STX8: variants seen among roughly 807,000 people sequenced by gnomAD.
STX8 encodes syntaxin 8.
Under a neutral mutation model 37.5 loss-of-function variants are expected in STX8, and 23 were observed. The observed-to-expected ratio is 0.61, with a 90% CI of 0.44 to 0.87. STX8 has a LOEUF of 0.87. STX8 is among the 40% of genes least tolerant of loss of function. The pLI, the probability that STX8 is intolerant of heterozygous loss-of-function variation, is 0.00. For missense variants in STX8, 313 were observed against 284.7 expected, an observed-to-expected ratio of 1.10 and a Z score of -0.71; for synonymous variants, 115 against 99.1, an observed-to-expected ratio of 1.16 and a Z score of -0.95.
intron 7 of STX8, among the ~76,000 whole-genome samples, chr17:9,370,302 T>G (rs988864441): frequency 2.0e-5 from 3 of 152,210 alleles, no homozygotes; most frequent in African/African-American, 7.2e-5. Flanking sequence ...GCCACCTAAC[T>G]GTTCTCACTT....
At chr17:9,260,780 ACT>A (rs1206350581) in intron 7 of STX8, among the ~76,000 whole-genome samples, 4 of 152,226 alleles carry the variant, frequency 2.6e-5, no homozygotes, top group Non-Finnish European at 5.9e-5. Context: ...CACCCTGGAA[ACT>A]CAGCCCTCTC....
At chr17:9,275,697 G>A (rs1199275443) in intron 7 of STX8, among the ~76,000 whole-genome samples, 6 of 151,792 alleles carry the variant, frequency 4.0e-5, no homozygotes, top group East Asian at 1.9e-4. Flanking sequence ...GAGAAACCCC[G>A]TCTCTAGTAA....
At chr17:9,275,849 C>T (rs1022197157) in intron 7 of STX8, among the ~76,000 whole-genome samples, 4 of 149,822 alleles carry the variant, frequency 2.7e-5, no homozygotes, top group Admixed American at 2.7e-4. Context: ...GCCTGGTCAA[C>T]AGAGTGAGAC....
At chr17:9,489,797 T>G (rs1906772556) in intron 6 of STX8, among the ~76,000 whole-genome samples, 1 of 149,328 alleles carries the variant, frequency 6.7e-6, no homozygotes, top group Non-Finnish European at 1.5e-5. Flanking sequence ...GAAGCGATTC[T>G]CCTGCCTCAG....
intron 7 of STX8, among the ~76,000 whole-genome samples, chr17:9,360,876 G>C (rs1011468575): frequency 6.6e-6 from 1 of 152,126 alleles, no homozygotes; most frequent in Admixed American, 6.6e-5. Context: ...TCAGCAGTCA[G>C]CTCCAGAGCT....
intron 4 of STX8, among the ~76,000 whole-genome samples, chr17:9,538,568 G>A (rs972492517): frequency 2.0e-5 from 3 of 152,312 alleles, no homozygotes; most frequent in South Asian, 2.1e-4. Context: ...TGTTTTGTCA[G>A]TAGTGCAAGA....
chr17:9,562,996 G>A (rs534098776), intron 2 of STX8, among the ~76,000 whole-genome samples: 1 of 152,166 alleles, frequency 6.6e-6, no homozygotes, highest in South Asian at 2.1e-4. Flanking sequence ...CCTTTCCTTA[G>A]GAGACAGGTT....
chr17:9,339,058 G>T (rs923691750), intron 7 of STX8, among the ~76,000 whole-genome samples: 1 of 133,450 alleles, frequency 7.5e-6, no homozygotes, highest in Non-Finnish European at 1.5e-5. Flanking sequence ...TTGACAAAGC[G>T]AGACTCCGTC....
intron 6 of STX8, among the ~76,000 whole-genome samples, chr17:9,418,765 T>C (rs1272898494): frequency 7.5e-6 from 1 of 133,976 alleles, no homozygotes; most frequent in Non-Finnish European, 1.5e-5. Flanking sequence ...AGGTGGAGCT[T>C]GCAGTGAGCT....
intron 4 of STX8, among the ~76,000 whole-genome samples, chr17:9,517,170 CCTT>C (rs1905181288): frequency 1.3e-5 from 2 of 152,266 alleles, no homozygotes; most frequent in Admixed American, 1.3e-4. Flanking sequence ...CCCCACTCCT[CCTT>C]ATCTTGCTTA....
chr17:9,276,760 T>C (rs934636880), intron 7 of STX8, among the ~76,000 whole-genome samples: 4 of 150,748 alleles, frequency 2.7e-5, no homozygotes, highest in African/African-American at 9.8e-5. Context: ...CTCAGCCTCC[T>C]GAGTAGCTGG....
At chr17:9,459,775 G>A (rs182338970) in intron 6 of STX8, among the ~76,000 whole-genome samples, 10 of 152,274 alleles carry the variant, frequency 6.6e-5, no homozygotes, top group Non-Finnish European at 2.9e-5. Flanking sequence ...TCGGCCTCCC[G>A]AAGTGCTCGG....
At chr17:9,309,846 C>T (rs1013766794) in intron 7 of STX8, among the ~76,000 whole-genome samples, 2 of 152,144 alleles carry the variant, frequency 1.3e-5, no homozygotes, top group African/African-American at 4.8e-5. Context: ...AAAATAGGGT[C>T]TTACTGACTT....
At chr17:9,565,502 G>C (rs1597747581) in intron 2 of STX8, among the ~76,000 whole-genome samples, 1 of 151,552 alleles carries the variant, frequency 6.6e-6, no homozygotes, top group African/African-American at 2.4e-5. Context: ...TGTAATCCCA[G>C]CTACTCGGGT....
At chr17:9,334,397 CT>C (rs1910074150) in intron 7 of STX8, among the ~76,000 whole-genome samples, 1 of 152,150 alleles carries the variant, frequency 6.6e-6, no homozygotes, top group African/African-American at 2.4e-5. Context: ...CTACTATCAT[CT>C]TTGTTTTAAA....
At chr17:9,341,718 T>G (rs971913187) in intron 7 of STX8, among the ~76,000 whole-genome samples, 35 of 152,172 alleles carry the variant, frequency 2.3e-4, no homozygotes, top group African/African-American at 7.5e-4. Flanking sequence ...ATTACAGGCA[T>G]GAGCCACCGC....
intron 6 of STX8, among the ~76,000 whole-genome samples, chr17:9,460,502 A>G (rs1597686854): frequency 6.6e-6 from 1 of 152,076 alleles, no homozygotes; most frequent in Non-Finnish European, 1.5e-5. Context: ...GCAAAACCCC[A>G]TCTCTACTAA....
intron 7 of STX8, 35 bp from the exon 8 acceptor site, chr17:9,250,680 G>A (rs1377145199): frequency 1.3e-6 from 2 of 1,552,856 alleles, no homozygotes; most frequent in Admixed American, 1.9e-5. Context: ...TACTTTTAAT[G>A]ATTCCTACCA....
intron 3 of STX8, among the ~76,000 whole-genome samples, chr17:9,545,881 C>A (rs1906487910): frequency 6.6e-6 from 1 of 152,184 alleles, no homozygotes; most frequent in African/African-American, 2.4e-5. Context: ...CACGCCCAGC[C>A]CCAGTGACCA....
Sources: gnomAD v4.1 joint callset for allele counts (sites outside exome capture counted in the v4.1 genomes callset) on GRCh38, gnomAD v4.1.1 for gene constraint, MANE v1.5 for transcripts, NCBI Gene and HGNC (gene_info 2026-07-23, HGNC 2026-07-21) for gene names.